BRD10: variants seen among roughly 807,000 people sequenced by gnomAD.
The protein encoded by BRD10 is uncharacterized bromodomain-containing protein 10.
At chr9:5,920,920 C>G in the BRD10 span, 1 of 1,613,906 alleles carries the variant, frequency 6.2e-7, no homozygotes, top group Non-Finnish European at 8.5e-7. Context: ...ACAAAATAGG[C>G]ATAATTCTTG....
chr9:5,950,651 A>G, the BRD10 span, among the ~76,000 whole-genome samples: 1 of 152,160 alleles, frequency 6.6e-6, no homozygotes, highest in Non-Finnish European at 1.5e-5. Context: ...AACCACTGAC[A>G]TAACTCTTAG....
At chr9:5,974,591 C>T in the BRD10 span, among the ~76,000 whole-genome samples, 721 of 152,198 alleles carry the variant, frequency 4.7e-3, 6 homozygotes, top group African/African-American at 0.017. Flanking sequence ...CAGCAGACTC[C>T]CTTATTGAGA....
chr9:5,967,557 G>A, the BRD10 span, among the ~76,000 whole-genome samples: 4 of 151,830 alleles, frequency 2.6e-5, no homozygotes, highest in Non-Finnish European at 5.9e-5. Context: ...AAAAATACAT[G>A]ATGTGGGAAA....
At chr9:5,945,903 T>C in the BRD10 span, among the ~76,000 whole-genome samples, 1 of 151,994 alleles carries the variant, frequency 6.6e-6, no homozygotes, top group Non-Finnish European at 1.5e-5. Flanking sequence ...CATGTGATAA[T>C]TAAAAAAAAA....
chr9:5,929,059 G>A, the BRD10 span: 1 of 1,567,038 alleles, frequency 6.4e-7, no homozygotes, highest in East Asian at 2.2e-5. Context: ...TCTTTGGAAA[G>A]CCTTCATTAA....
At chr9:5,958,943 T>C in the BRD10 span, among the ~76,000 whole-genome samples, 1 of 152,162 alleles carries the variant, frequency 6.6e-6, no homozygotes, top group Non-Finnish European at 1.5e-5. Context: ...TTCTGGAGTG[T>C]TCTATCTCAA....
At chr9:5,941,953 C>T in the BRD10 span, among the ~76,000 whole-genome samples, 1 of 152,040 alleles carries the variant, frequency 6.6e-6, no homozygotes, top group African/African-American at 2.4e-5. Context: ...GTTAAATCCT[C>T]TATCACACGT....
At chr9:5,947,111 C>T in the BRD10 span, among the ~76,000 whole-genome samples, 3 of 152,104 alleles carry the variant, frequency 2.0e-5, no homozygotes, top group East Asian at 5.8e-4. Flanking sequence ...TGAAGCCAAA[C>T]CACGAATGAA....
the BRD10 span, among the ~76,000 whole-genome samples, chr9:5,971,474 G>C: frequency 2.0e-5 from 3 of 152,118 alleles, no homozygotes; most frequent in South Asian, 2.1e-4. Flanking sequence ...ATCAATGTCT[G>C]ACACTGGCTA....
chr9:5,954,556 G>T, the BRD10 span, among the ~76,000 whole-genome samples: 1 of 152,148 alleles, frequency 6.6e-6, no homozygotes, highest in African/African-American at 2.4e-5. Flanking sequence ...AGTAGCTTAG[G>T]TAACAAAGTT....
chr9:5,999,206 A>C, the BRD10 span, among the ~76,000 whole-genome samples: 132 of 152,130 alleles, frequency 8.7e-4, 1 homozygote, highest in African/African-American at 3.0e-3. Flanking sequence ...TTTCCCTGAG[A>C]ACAGAGAGAA....
At chr9:5,974,956 A>T in the BRD10 span, among the ~76,000 whole-genome samples, 1 of 152,196 alleles carries the variant, frequency 6.6e-6, no homozygotes, top group East Asian at 1.9e-4. Flanking sequence ...TTTCCAACTA[A>T]CTTAACTGCA....
chr9:5,896,193 T>C, the BRD10 span, among the ~76,000 whole-genome samples: 56 of 152,346 alleles, frequency 3.7e-4, no homozygotes, highest in Non-Finnish European at 6.8e-4. Context: ...CAGCATAATG[T>C]CAGCTGTAAA....
At chr9:5,935,033 T>A in the BRD10 span, among the ~76,000 whole-genome samples, 1 of 152,116 alleles carries the variant, frequency 6.6e-6, no homozygotes, top group Non-Finnish European at 1.5e-5. Context: ...GTTTTGGGGG[T>A]AAAACATCAT....
the BRD10 span, among the ~76,000 whole-genome samples, chr9:5,953,509 T>C: frequency 6.6e-6 from 1 of 152,076 alleles, no homozygotes; most frequent in Admixed American, 6.5e-5. Context: ...TAATATTCTC[T>C]CTGAAGATCA....
the BRD10 span, among the ~76,000 whole-genome samples, chr9:5,911,456 G>A: frequency 2.0e-5 from 3 of 148,110 alleles, no homozygotes; most frequent in South Asian, 2.2e-4. Context: ...GTTACTATAG[G>A]CTTTGTAGTG....
chr9:5,895,759 G>C, the BRD10 span, among the ~76,000 whole-genome samples: 1 of 152,236 alleles, frequency 6.6e-6, no homozygotes, highest in Non-Finnish European at 1.5e-5. Context: ...TTCTGCTGCA[G>C]GTGGTATTTG....
At chr9:5,992,572 C>G in the BRD10 span, among the ~76,000 whole-genome samples, 1 of 152,098 alleles carries the variant, frequency 6.6e-6, no homozygotes, top group Non-Finnish European at 1.5e-5. Context: ...TGCAAAAATT[C>G]AAGCTTTTTT....
At chr9:5,960,926 G>A in the BRD10 span, among the ~76,000 whole-genome samples, 6 of 152,142 alleles carry the variant, frequency 3.9e-5, no homozygotes, top group African/African-American at 1.4e-4. Context: ...ATGGTATACT[G>A]ATACGCAGGG....
Sources: gnomAD v4.1 joint callset for allele counts (sites outside exome capture counted in the v4.1 genomes callset) on GRCh38, gnomAD v4.1.1 for gene constraint, MANE v1.5 for transcripts, NCBI Gene and HGNC (gene_info 2026-07-23, HGNC 2026-07-21) for gene names.